The following ZNF648 variants were observed in gnomAD, a reference collection of about 807,000 sequenced individuals.
ZNF648 encodes the protein zinc finger protein 648.
A neutral mutation model predicts 0.3 loss-of-function variants in ZNF648; 1 was observed. The ratio of observed to expected loss-of-function variants is 3.90; its 90% CI spans 1.39 to 18.51. The LOEUF (loss-of-function observed/expected upper bound fraction) is 18.51. Among genes scored for constraint, ZNF648 ranks in the 30% most tolerant of loss-of-function variants. ZNF648 has a pLI of 0.11. For synonymous variants in ZNF648, 376 were observed against 326.8 expected, an observed-to-expected ratio of 1.15 and a Z score of -1.62; for missense variants, 874 against 769.7, an observed-to-expected ratio of 1.14 and a Z score of -1.60.
rs1665905014 is a variant in ZNF648 at position 182,056,317 on chromosome 1, G to A, written c.1694C>T (p.Ser565Phe). 1.2e-6 allele frequency: 2 copies of A among 1,611,830 alleles called. No homozygotes were observed. Among genetic ancestry groups the A allele is most frequent in the Admixed American group, 1.7e-5 (1 of 59,836 alleles). The change falls in exon 2 of 2, where the codon TCC becomes TTC. Residue 565 changes from serine (S) to phenylalanine (F), a missense_variant. Physicochemically the swap from Ser to Phe is radical, Grantham distance 155. Transcript: ENST00000339948. ...ACGATGCTATCTTCACTCGTCAGAG[G>A]AGGAAGGGATGGGCTCCTTCTTGCA... ...GTCKKEPIPS[S>F]SDE
chr1:182,066,483 T>C (rs1666102070), upstream of ZNF648, among the ~76,000 whole-genome samples: 1 of 152,248 alleles, frequency 6.6e-6, no homozygotes, highest in Non-Finnish European at 1.5e-5. Context: ...GGAGGAGTGA[T>C]AGAGGCAGTT....
In ZNF648 at chr1:182,057,314, CT is replaced by C; in HGVS notation, c.696del (p.Val233TyrfsTer34). On this transcript the variant is annotated frameshift_variant, in exon 2 of 2. Transcript: ENST00000339948. LOFTEE classifies it low-confidence loss of function (END_TRUNC). ...TCGCGCCGGCCCGCCTGGTTCTGTA[CT>C]TTCCTGCTGTTCCGCGCTTTTGCCA... ...AVLAKARNSR[K>X]VQNQAGRREG... The C allele has an allele frequency of 6.2e-7, 1 of 1,606,184 alleles. No homozygotes were observed.
At chr1:182,060,700 A>G (rs1275332652) in intron 1 of ZNF648, among the ~76,000 whole-genome samples, 1 of 152,166 alleles carries the variant, frequency 6.6e-6, no homozygotes, top group Non-Finnish European at 1.5e-5. Flanking sequence ...TGTGTAGTTC[A>G]TAGAGGGGAC....
Position 182,056,265 on chromosome 1 carries a change from C to A in ZNF648, c.*39G>T. ...GGCAATACCATGTGAGTGGGCCCACCTGGGAAGGTTCCAAGTAGTGAGGTC... is the reference window on the plus strand; with the variant it reads ...GGCAATACCATGTGAGTGGGCCCACATGGGAAGGTTCCAAGTAGTGAGGTC... On this transcript the variant is annotated 3_prime_UTR_variant, in exon 2 of 2. Transcript: ENST00000339948. 1 of 1,564,352 alleles carries A rather than the reference C, an allele frequency of 6.4e-7. No individual in the cohort carries two copies. The highest frequency in any genetic ancestry group is 8.7e-7 in the Non-Finnish European group (1 of 1,153,536).
At position 182,056,610 on chromosome 1, in the gene ZNF648, C is replaced by G; in HGVS notation, c.1401G>C (p.Gln467His). The change falls in exon 2 of 2, where the codon CAG becomes CAC. Residue 467 changes from glutamine (Q) to histidine (H), a missense_variant. Physicochemically the swap from Gln to His is conservative, Grantham distance 24 (BLOSUM62 0). Transcript: ENST00000339948. ...FAQPSRLVRHQRIHTGERPFP... is the reference protein window; with the variant it reads ...FAQPSRLVRHHRIHTGERPFP... ...AGGGCCTCTCGCCAGTGTGGATGCG[C>G]TGGTGGCGCACGAGGCGCGAGGGCT... 1 of 1,613,350 alleles carries G rather than the reference C, an allele frequency of 6.2e-7. No individual in the cohort carries two copies. Among genetic ancestry groups the G allele is most frequent in the East Asian group, 2.2e-5 (1 of 44,848 alleles).
intron 1 of ZNF648, 133 bp from the exon 2 acceptor site, chr1:182,058,206 C>G: frequency 1.5e-6 from 1 of 650,022 alleles, no homozygotes; most frequent in Non-Finnish European, 2.5e-6. Flanking sequence ...TTGAGCCTCA[C>G]TGAGGACAGA....
Position 182,057,430 on chromosome 1 carries a change from C to T in ZNF648, c.581G>A (p.Arg194Lys), listed in dbSNP as rs1321025708. 1 of 1,614,212 alleles carries T rather than the reference C, an allele frequency of 6.2e-7. No individual in the cohort carries two copies. The highest frequency in any genetic ancestry group is 1.3e-5 in the African/African-American group (1 of 75,060). Residue 194 changes from arginine to lysine, a missense_variant, in exon 2 of 2, where the codon AGG (arginine) becomes AAG (lysine). Arg to Lys is a conservative substitution (Grantham distance 26). Coordinates refer to ENST00000339948, the MANE Select transcript of ZNF648 (RefSeq NM_001009992.1). ...AGNSSLLCFP[R>K]PGSNWDLPTQ... is the part of the protein sequence containing the mutation. ...GGGAAGGTCCCAGTTGCTCCCCGGC[C>T]TGGGGAAACACAACAGAGAAGAGTT...
intron 1 of ZNF648, 109 bp from the exon 2 acceptor site, chr1:182,058,182 T>A (rs916035161): frequency 3.6e-5 from 27 of 750,300 alleles, no homozygotes; most frequent in Non-Finnish European, 5.7e-5. Flanking sequence ...CTGGTCTCCA[T>A]GTCAGGCATA....
chr1:182,058,049 G>A lies in ZNF648; in HGVS notation c.-39C>T. On this transcript the variant is annotated 5_prime_UTR_variant, in exon 2 of 2. Coordinates refer to ENST00000339948, the MANE Select transcript of ZNF648 (RefSeq NM_001009992.1). Reference sequence around the variant, plus strand: ...TTCTATTGCCTACTCCTCTGAGGAGGAGTATCCTGCTTGGCTCAGGATACC... The same window carrying A: ...TTCTATTGCCTACTCCTCTGAGGAGAAGTATCCTGCTTGGCTCAGGATACC... The A allele has an allele frequency of 6.5e-7, 1 of 1,547,898 alleles. No homozygotes were observed. The highest frequency in any genetic ancestry group is 8.7e-7 in the Non-Finnish European group (1 of 1,152,822).
Position 182,058,077 on chromosome 1 carries a change from C to CA in ZNF648, c.-63-5dup. 6.6e-7 allele frequency: 1 copy of CA among 1,511,742 alleles called. No individual in the cohort carries two copies. Among genetic ancestry groups the CA allele is most frequent in the Non-Finnish European group, 8.9e-7 (1 of 1,129,824 alleles). The allele number at this position is 1,511,742 out of a possible 1,614,324, so 93.6% of individuals were successfully genotyped here. ...TATCCTGCTTGGCTCAGGATACCTG[C>CA]AAAAAGAAAAGTACGAAGAGAAAAT... On this transcript the variant is annotated splice_polypyrimidine_tract_variant and splice_region_variant and intron_variant, in intron 1 of 1. Coordinates refer to ENST00000339948, the MANE Select transcript of ZNF648 (RefSeq NM_001009992.1).
At chr1:182,068,585 A>G in the ZNF648 span, among the ~76,000 whole-genome samples, 1 of 152,218 alleles carries the variant, frequency 6.6e-6, no homozygotes, top group Admixed American at 6.5e-5. Context: ...AACACAGTTG[A>G]AAAACATTGT....
chr1:182,056,245 T>C lies in ZNF648; in HGVS notation c.*59A>G, dbSNP rs991558835. 9.1e-5 allele frequency: 141 copies of C among 1,543,320 alleles called. No individual in the cohort carries two copies. The highest frequency in any genetic ancestry group is 1.1e-4 in the Non-Finnish European group (130 of 1,144,940). The stretch of plus-strand genomic sequence containing the variant: ...CGAGGCTGACCAGTGAGGCTGGCAA[T>C]ACCATGTGAGTGGGCCCACCTGGGA... On this transcript the variant is annotated 3_prime_UTR_variant, in exon 2 of 2. Coordinates refer to ENST00000339948, the MANE Select transcript of ZNF648 (RefSeq NM_001009992.1).
In ZNF648 at chr1:182,057,367, G is replaced by A. The variant is rs1381806062; in HGVS notation, c.644C>T (p.Thr215Ile). The A allele has an allele frequency of 1.4e-5, 22 of 1,612,160 alleles. No individual in the cohort carries two copies. Among genetic ancestry groups the A allele is most frequent in the Non-Finnish European group, 1.7e-5 (20 of 1,179,934 alleles). ...ETHTPAQASA[T>I]PASLAAAVLA... ...GACCGCGGCAGCCAGGCTGGCTGGG[G>A]TGGCCGACGCCTGGGCTGGTGTATG... Residue 215 changes from threonine to isoleucine, a missense_variant, in exon 2 of 2, where the codon ACC becomes ATC. Thr to Ile is a moderately conservative substitution (Grantham distance 89). Coordinates refer to ENST00000339948, the MANE Select transcript of ZNF648 (RefSeq NM_001009992.1).
At chr1:182,058,206 C>A in intron 1 of ZNF648, 133 bp from the exon 2 acceptor site, 1 of 650,022 alleles carries the variant, frequency 1.5e-6, no homozygotes. Flanking sequence ...TTGAGCCTCA[C>A]TGAGGACAGA....
chr1:182,068,276 T>C, the ZNF648 span: 21 of 152,332 alleles, frequency 1.4e-4, no homozygotes, highest in East Asian at 2.7e-3. Flanking sequence ...GGTGTTGAGA[T>C]TGAAGTATTC....
chr1:182,057,410 G>A lies in ZNF648; in HGVS notation c.601C>T (p.Leu201Phe). 6.2e-7 allele frequency: 1 copy of A among 1,614,040 alleles called. No homozygotes were observed. The highest frequency in any genetic ancestry group is 2.2e-5 in the East Asian group (1 of 44,880). ...GGTGTATGTGTCTCTTGCGTGGGAA[G>A]GTCCCAGTTGCTCCCCGGCCTGGGG... is the stretch of plus-strand genomic sequence containing the variant. ...CFPRPGSNWDLPTQETHTPAQ... is the reference protein window; with the variant it reads ...CFPRPGSNWDFPTQETHTPAQ... The change falls in exon 2 of 2, where the codon CTT becomes TTT. Residue 201 changes from leucine (L) to phenylalanine (F), a missense_variant. By Grantham distance (22) the Leu-to-Phe change is conservative. Coordinates refer to ENST00000339948, the MANE Select transcript of ZNF648 (RefSeq NM_001009992.1).
At chr1:182,062,858 C>G (rs1206861383), upstream of ZNF648, 1 of 152,158 alleles carries the variant, frequency 6.6e-6, no homozygotes, top group African/African-American at 2.4e-5. Context: ...GCTCTCTCCA[C>G]CCCGCACTCC....
At position 182,056,906 on chromosome 1, in the gene ZNF648, A is replaced by G. The variant is rs765064028; in HGVS notation, c.1105T>C (p.Cys369Arg). The G allele has an allele frequency of 1.0e-5, 16 of 1,595,780 alleles. No individual in the cohort carries two copies. The East Asian group carries it at 3.6e-4, about 36-fold the overall frequency. The change falls in exon 2 of 2, where the codon TGC becomes CGC. Residue 369 changes from cysteine to arginine, a missense_variant. Cys to Arg is a radical substitution (Grantham distance 180, BLOSUM62 -3). Coordinates refer to ENST00000339948, the MANE Select transcript of ZNF648 (RefSeq NM_001009992.1). The stretch of plus-strand genomic sequence containing the variant: ...AGCGGCTTGTTGAAGGTCAGGCCGC[A>G]CTCGGAGCACGGGAAGGGCTTATTG... ...SNNKPFPCSE[C>R]GLTFNKPLSL...
chr1:182,068,023 T>C, the ZNF648 span, among the ~76,000 whole-genome samples: 1 of 152,236 alleles, frequency 6.6e-6, no homozygotes, highest in African/African-American at 2.4e-5. Context: ...TACTGGTCCT[T>C]CTGGGCTCAG....
Sources: gnomAD v4.1 joint callset for allele counts (sites outside exome capture counted in the v4.1 genomes callset) on GRCh38, gnomAD v4.1.1 for gene constraint, MANE v1.5 for transcripts, NCBI Gene and HGNC (gene_info 2026-07-23, HGNC 2026-07-21) for gene names.